Variants in VGLL4 observed in about 807,000 individuals in gnomAD.
The protein encoded by VGLL4 is vestigial like family member 4.
VGLL4 carries 7 observed loss-of-function variants against 21.0 expected under a neutral mutation model. The ratio of observed to expected loss-of-function variants is 0.33; its 90% CI spans 0.19 to 0.63. The LOEUF (loss-of-function observed/expected upper bound fraction) is 0.63, where lower values mean the gene tolerates loss of function less well. Among genes scored for constraint, VGLL4 ranks in the 20% least tolerant of loss-of-function variants. The pLI is 0.78. For missense variants in VGLL4, 394 were observed against 425.7 expected, an observed-to-expected ratio of 0.93 and a Z score of 0.66; for synonymous variants, 222 against 173.2, an observed-to-expected ratio of 1.28 and a Z score of -2.21.
At position 11,565,688 on chromosome 3, in the gene VGLL4, G is replaced by A. The variant is rs564229048; in HGVS notation, c.273-669C>T. Reference sequence around the variant, plus strand: ...GGACACACGAGCAGGAGTGACCTGCGTCCAGAAGGTCCATCACTAGCCCTG... The same window carrying A: ...GGACACACGAGCAGGAGTGACCTGCATCCAGAAGGTCCATCACTAGCCCTG... On this transcript the variant is annotated intron_variant, in intron 2 of 4. Transcript: ENST00000430365. This position sits in a 1 kb window ranked among gnomAD's most constrained non-coding sequence, Gnocchi z 4.1. Among the ~76,000 whole-genome samples the A allele has an allele frequency of 2.6e-5, 4 of 152,302 alleles. No homozygotes were observed. Among genetic ancestry groups the A allele is most frequent in the Admixed American group, 6.5e-5 (1 of 15,298 alleles).
rs10609918 is a variant in VGLL4 at position 11,629,746 on chromosome 3, C to CAAAAAAAAAAA, written c.82+13680_82+13690dup. ...CTGGGCTACAGAGCGAGACGGGTCT[C>CAAAAAAAAAAA]AAAAAAAAAAAAAAAAAAAAAGAAT... is the stretch of plus-strand genomic sequence containing the variant. On this transcript the variant is annotated intron_variant, in intron 1 of 4. Coordinates refer to ENST00000430365, the MANE Select transcript of VGLL4 (RefSeq NM_001128219.3). Among the ~76,000 whole-genome samples the CAAAAAAAAAAA allele has an allele frequency of 3.5e-5, 3 of 85,362 alleles. 1 individual carries two copies. The highest frequency in any genetic ancestry group is 9.3e-5 in the African/African-American group (2 of 21,444). The allele number at this position is 85,362 out of a possible 152,430, so 56.0% of individuals were successfully genotyped here.
intron 2 of VGLL4, among the ~76,000 whole-genome samples, chr3:11,655,579 G>T (rs2075945426): frequency 6.6e-6 from 1 of 152,206 alleles, no homozygotes; most frequent in Non-Finnish European, 1.5e-5. Flanking sequence ...ACTTGAAATG[G>T]ATAAACCTAC....
chr3:11,649,966 G>A (rs2075845760), intron 2 of VGLL4, among the ~76,000 whole-genome samples: 1 of 151,960 alleles, frequency 6.6e-6, no homozygotes, highest in Admixed American at 6.5e-5. Context: ...TTGAAACAGG[G>A]TCTCCCTCTA....
chr3:11,707,214 G>C (rs2076773785), intron 1 of VGLL4, among the ~76,000 whole-genome samples: 1 of 151,084 alleles, frequency 6.6e-6, no homozygotes, highest in African/African-American at 2.4e-5. Flanking sequence ...TATGGTCCCA[G>C]CTACTCAGGG....
intron 2 of VGLL4, among the ~76,000 whole-genome samples, chr3:11,690,534 G>A (rs1483357412): frequency 2.0e-5 from 3 of 151,982 alleles, no homozygotes; most frequent in Non-Finnish European, 4.4e-5. Context: ...CTGCTTGCTA[G>A]TGAACAGAAC....
chr3:11,559,226 C>G, intron 4 of VGLL4, 106 bp downstream of exon 4: 2 of 1,432,592 alleles, frequency 1.4e-6, no homozygotes, highest in Non-Finnish European at 1.8e-6. Context: ...TCAACCTCAG[C>G]AATAGATGGG....
chr3:11,704,725 C>T (rs1370177897), intron 1 of VGLL4, among the ~76,000 whole-genome samples: 1 of 152,212 alleles, frequency 6.6e-6, no homozygotes, highest in Non-Finnish European at 1.5e-5. Flanking sequence ...TTTAATCTCC[C>T]GTTGTGGGGA....
rs61052269 is a variant in VGLL4, at chr3:11,666,248, CAA to C, written c.64+36721_64+36722del. Reference sequence around the variant, plus strand: ...CCTGGGTGAGAGCGAGACTGCGCCTCAAAAAAAAAAAAAAAAAGAAAGTTCAT... The same window carrying C: ...CCTGGGTGAGAGCGAGACTGCGCCTCAAAAAAAAAAAAAAAGAAAGTTCAT... On this transcript the variant is annotated intron_variant, in intron 2 of 5. Coordinates refer to the VGLL4 transcript ENST00000273038. Among the ~76,000 whole-genome samples, 839 of 91,476 alleles carry C rather than the reference CAA, an allele frequency of 9.2e-3. 7 individuals carry two copies. The highest frequency in any genetic ancestry group is 0.028 in the African/African-American group (771 of 27,280). The allele number at this position is 91,476 out of a possible 152,430, so 60.0% of individuals were successfully genotyped here. A position where few individuals can be genotyped will look rare whatever the true frequency, so the allele number is the denominator to read the frequency against.
At chr3:11,716,659 G>A (rs1196042419) in intron 1 of VGLL4, among the ~76,000 whole-genome samples, 1 of 152,174 alleles carries the variant, frequency 6.6e-6, no homozygotes, top group African/African-American at 2.4e-5. Flanking sequence ...CTTTGCAAAA[G>A]TGCTATTATT....
At chr3:11,679,731 G>C (rs7632364) in intron 2 of VGLL4, among the ~76,000 whole-genome samples, 1 of 151,752 alleles carries the variant, frequency 6.6e-6, no homozygotes, top group East Asian at 1.9e-4. Flanking sequence ...AAGAAAGAAA[G>C]TATTTTTGTT....
rs201720826 is a variant in VGLL4 at position 11,628,438 on chromosome 3, TA to T, written c.82+14998del. 3.0e-3 allele frequency among the ~76,000 whole-genome samples: 444 copies of T among 150,048 alleles called. 1 individual carries two copies. The highest frequency in any genetic ancestry group is 0.01 in the African/African-American group (422 of 41,036). ...GAAACATCGAATTGTACCCTAAAAA[TA>T]GATACAATGTGTTGACTAAAAAATA... On this transcript the variant is annotated intron_variant, in intron 1 of 4. Transcript: ENST00000430365.
chr3:11,717,837 A>C (rs1366587878), intron 1 of VGLL4, among the ~76,000 whole-genome samples: 1 of 152,180 alleles, frequency 6.6e-6, no homozygotes, highest in Non-Finnish European at 1.5e-5. Flanking sequence ...GTAATTCCTG[A>C]AACTCTGTGA....
intron 1 of VGLL4, among the ~76,000 whole-genome samples, chr3:11,714,593 C>T (rs961101577): frequency 2.0e-5 from 3 of 148,862 alleles, no homozygotes; most frequent in Admixed American, 6.7e-5. Flanking sequence ...AAAAAATGAA[C>T]CATGTTTTTC....
intron 2 of VGLL4, among the ~76,000 whole-genome samples, chr3:11,586,656 G>A (rs1389807326): frequency 2.6e-5 from 4 of 152,198 alleles, no homozygotes; most frequent in African/African-American, 7.2e-5. Context: ...ATTTCCATAG[G>A]TTATCTGCAA....
intron 2 of VGLL4, among the ~76,000 whole-genome samples, chr3:11,660,114 A>T (rs561777706): frequency 4.6e-5 from 7 of 151,530 alleles, no homozygotes; most frequent in African/African-American, 1.7e-4. Context: ...GTGAGTGGAG[A>T]TCGCGCCACT....
At chr3:11,581,102 T>C (rs145059195) in intron 2 of VGLL4, among the ~76,000 whole-genome samples, 40 of 151,580 alleles carry the variant, frequency 2.6e-4, no homozygotes, top group African/African-American at 8.2e-4. Flanking sequence ...ACTCTTTCTC[T>C]GTCGCCCTGG....
At chr3:11,560,989 G>A (rs1334069121) in intron 3 of VGLL4, among the ~76,000 whole-genome samples, 2 of 152,062 alleles carry the variant, frequency 1.3e-5, no homozygotes, top group South Asian at 2.1e-4. Context: ...GGGTCAAGCA[G>A]CAGCAAGAGA....
chr3:11,569,838 G>A (rs920547934), intron 2 of VGLL4, among the ~76,000 whole-genome samples: 17 of 152,234 alleles, frequency 1.1e-4, no homozygotes, highest in Admixed American at 3.3e-4. Flanking sequence ...CCATGGTCAC[G>A]CCACTGCACT....
intron 2 of VGLL4, among the ~76,000 whole-genome samples, chr3:11,585,913 G>A (rs541820863): frequency 2.2e-4 from 33 of 152,046 alleles, no homozygotes; most frequent in African/African-American, 8.0e-4. Context: ...ATGGACAGGC[G>A]ACCCCCTGCC....
Sources: gnomAD v4.1 joint callset for allele counts (sites outside exome capture counted in the v4.1 genomes callset) on GRCh38, gnomAD v4.1.1 for gene constraint, Gnocchi (gnomAD v3.1) non-coding constraint, MANE v1.5 for transcripts, NCBI Gene and HGNC (gene_info 2026-07-23, HGNC 2026-07-21) for gene names.